The following DLG2 variants were observed in gnomAD, a reference collection of about 807,000 sequenced individuals.
The protein encoded by DLG2 is discs large MAGUK scaffold protein 2, also known as disks large homolog 2.
In DLG2, 45 loss-of-function variants were observed where a neutral mutation model predicts 132.5. The observed-to-expected ratio is 0.34, with a 90% CI of 0.27 to 0.44. DLG2 has a LOEUF of 0.44. Among genes scored for constraint, DLG2 ranks in the 20% least tolerant of loss-of-function variants. DLG2 has a pLI of 1.00. For missense variants in DLG2, 1,045 were observed against 1,196.9 expected (o/e 0.87, Z 1.87); for synonymous variants, 424 against 419.6 (o/e 1.01, Z -0.13).
chr11:84,711,191 AGATCT>A (rs2060370604), intron 6 of DLG2, among the ~76,000 whole-genome samples: 1 of 151,668 alleles, frequency 6.6e-6, no homozygotes, highest in South Asian at 2.1e-4. Context: ...CATGGCATGG[AGATCT>A]GATTGCGTTT....
chr11:84,301,862 G>T (rs2098159366), intron 7 of DLG2, among the ~76,000 whole-genome samples: 1 of 151,930 alleles, frequency 6.6e-6, no homozygotes, highest in Non-Finnish European at 1.5e-5. Flanking sequence ...ATACCCAAAG[G>T]ATTATAGATC....
At chr11:85,610,638 T>C (rs1422231218) in intron 2 of DLG2, among the ~76,000 whole-genome samples, 1 of 152,232 alleles carries the variant, frequency 6.6e-6, no homozygotes, top group Non-Finnish European at 1.5e-5. Context: ...TGATTTACCT[T>C]TGGCTACCAG....
At chr11:84,751,970 C>T (rs764627202) in intron 6 of DLG2, among the ~76,000 whole-genome samples, 65 of 152,316 alleles carry the variant, frequency 4.3e-4, no homozygotes, top group Non-Finnish European at 9.1e-4. Context: ...TTTCACACTA[C>T]ACTCTTCTCC....
chr11:85,547,071 A>G (rs372801869), intron 3 of DLG2, among the ~76,000 whole-genome samples: 1 of 152,066 alleles, frequency 6.6e-6, no homozygotes. Context: ...TATTTTGCCC[A>G]TTAGCTGTTG....
intron 3 of DLG2, among the ~76,000 whole-genome samples, chr11:85,428,797 T>C (rs915434797): frequency 6.6e-5 from 10 of 151,694 alleles, no homozygotes; most frequent in South Asian, 2.1e-4. Context: ...CTGAAGGAGA[T>C]AGAGACACAA....
intron 6 of DLG2, among the ~76,000 whole-genome samples, chr11:84,850,878 T>C (rs2082087718): frequency 6.6e-6 from 1 of 151,980 alleles, no homozygotes; most frequent in Admixed American, 6.6e-5. Context: ...AAAATATCAT[T>C]GAAAAAATAA....
intron 7 of DLG2, among the ~76,000 whole-genome samples, chr11:84,297,014 T>C (rs1452744538): frequency 6.6e-6 from 1 of 151,898 alleles, no homozygotes; most frequent in Non-Finnish European, 1.5e-5. Context: ...CAGCCTGTGG[T>C]CAGTATCTGG....
intron 3 of DLG2, among the ~76,000 whole-genome samples, chr11:85,589,886 CAAGA>C (rs2153231697): frequency 6.6e-6 from 1 of 152,130 alleles, no homozygotes; most frequent in East Asian, 1.9e-4. Context: ...ACATTCTGCT[CAAGA>C]GAGTTTGTGC....
chr11:83,783,009 A>G (rs1356107739), intron 18 of DLG2, among the ~76,000 whole-genome samples: 2 of 152,254 alleles, frequency 1.3e-5, no homozygotes, highest in African/African-American at 4.8e-5. Flanking sequence ...TGGAATTATT[A>G]TTGAAGTACA....
intron 16 of DLG2, among the ~76,000 whole-genome samples, chr11:83,846,999 G>A (rs2058762553): frequency 6.8e-6 from 1 of 146,588 alleles, no homozygotes; most frequent in African/African-American, 2.5e-5. Flanking sequence ...TAATGTTTTG[G>A]TTGCCAACTT....
At chr11:84,919,100 G>A (rs2154082476) in intron 6 of DLG2, among the ~76,000 whole-genome samples, 1 of 152,028 alleles carries the variant, frequency 6.6e-6, no homozygotes, top group East Asian at 1.9e-4. Flanking sequence ...TATTTTAATT[G>A]AGCCCAATTT....
At chr11:84,419,404 T>G (rs1383519635) in intron 7 of DLG2, among the ~76,000 whole-genome samples, 1 of 152,210 alleles carries the variant, frequency 6.6e-6, no homozygotes, top group African/African-American at 2.4e-5. Context: ...ATTTATGAGC[T>G]GCAATATTAG....
At chr11:83,738,988 G>T in intron 18 of DLG2, among the ~76,000 whole-genome samples, 1 of 152,154 alleles carries the variant, frequency 6.6e-6, no homozygotes, top group East Asian at 1.9e-4. Context: ...AAGTGTGCAT[G>T]ATGGTTCAAA....
chr11:84,830,999 G>T (rs1450310368), intron 6 of DLG2, among the ~76,000 whole-genome samples: 2 of 117,372 alleles, frequency 1.7e-5, no homozygotes, highest in Non-Finnish European at 1.6e-5. Context: ...CCCCCATATT[G>T]AAAAAAGAAG....
chr11:83,757,473 A>C (rs2093697735), intron 18 of DLG2, among the ~76,000 whole-genome samples: 1 of 152,238 alleles, frequency 6.6e-6, no homozygotes, highest in Non-Finnish European at 1.5e-5. Context: ...TGGGACCCAG[A>C]GGTGGGATCC....
At chr11:84,300,027 T>C (rs2098134850) in intron 7 of DLG2, among the ~76,000 whole-genome samples, 1 of 152,018 alleles carries the variant, frequency 6.6e-6, no homozygotes. Context: ...ATCAAAACCA[T>C]ATAATGGTTT....
chr11:85,470,653 G>T (rs905643713), intron 3 of DLG2, among the ~76,000 whole-genome samples: 6 of 152,110 alleles, frequency 3.9e-5, no homozygotes, highest in African/African-American at 7.2e-5. Context: ...ACTTGAACCT[G>T]GGAAACGGAA....
chr11:85,301,259 G>A (rs1250015021), intron 3 of DLG2, among the ~76,000 whole-genome samples: 1 of 152,082 alleles, frequency 6.6e-6, no homozygotes, highest in Non-Finnish European at 1.5e-5. Context: ...AATGGTATAA[G>A]ATAAGGCTGG....
chr11:84,856,254 G>A (rs1267067508), intron 6 of DLG2, among the ~76,000 whole-genome samples: 4 of 152,038 alleles, frequency 2.6e-5, no homozygotes, highest in Non-Finnish European at 5.9e-5. Flanking sequence ...GTGAAAGTAC[G>A]TTCATCAATG....
Sources: allele counts gnomAD v4.1 joint callset (sites outside exome capture counted in the v4.1 genomes callset), GRCh38; gene constraint gnomAD v4.1.1; transcripts MANE v1.5; gene names NCBI Gene and HGNC (gene_info 2026-07-23, HGNC 2026-07-21).